Variants in ELL observed in about 807,000 individuals in gnomAD.
The protein encoded by ELL is elongation factor for RNA polymerase II, also known as RNA polymerase II elongation factor ELL.
A neutral mutation model predicts 64.0 loss-of-function variants in ELL; 18 were observed. The observed-to-expected ratio is 0.28, with a 90% CI of 0.19 to 0.42. The LOEUF (loss-of-function observed/expected upper bound fraction) is 0.42, where lower values mean the gene tolerates loss of function less well. ELL is among the 10% of genes least tolerant of loss of function. The pLI is 1.00. For missense variants in ELL, 797 were observed against 870.4 expected, an observed-to-expected ratio of 0.92 and a Z score of 1.06; for synonymous variants, 399 against 376.2, an observed-to-expected ratio of 1.06 and a Z score of -0.70.
intron 1 of ELL, among the ~76,000 whole-genome samples, chr19:18,497,389 A>T (rs1306858278): frequency 6.6e-6 from 1 of 152,222 alleles, no homozygotes; most frequent in Non-Finnish European, 1.5e-5. Context: ...ATGAGTAGGT[A>T]GAGCTTGGAG....
intron 1 of ELL, among the ~76,000 whole-genome samples, chr19:18,493,328 G>A (rs544067934): frequency 1.3e-5 from 2 of 152,338 alleles, no homozygotes; most frequent in African/African-American, 4.8e-5. Flanking sequence ...AGAAAAGATG[G>A]GCTCTGTGCT....
intron 1 of ELL, among the ~76,000 whole-genome samples, chr19:18,500,217 G>A (rs538101834): frequency 1.3e-4 from 20 of 150,494 alleles, no homozygotes; most frequent in East Asian, 9.8e-4. Flanking sequence ...AGCTGAGATC[G>A]TGCCATTGCA....
chr19:18,507,302 T>G (rs114598924), intron 1 of ELL, among the ~76,000 whole-genome samples: 1 of 152,198 alleles, frequency 6.6e-6, no homozygotes, highest in Non-Finnish European at 1.5e-5. Context: ...AAGGGAGAGA[T>G]AACATCCCCA....
chr19:18,467,765 A>G (rs1215391251), intron 2 of ELL, among the ~76,000 whole-genome samples: 9 of 90,292 alleles, frequency 1.0e-4, no homozygotes, highest in African/African-American at 1.6e-4. Context: ...CTCCACACAC[A>G]ATCTCCCCAC....
At chr19:18,463,479 C>G (rs527581908) in intron 4 of ELL, among the ~76,000 whole-genome samples, 1 of 151,756 alleles carries the variant, frequency 6.6e-6, no homozygotes, top group African/African-American at 2.4e-5. Flanking sequence ...GGACTCCAGG[C>G]GCACGCCACC....
chr19:18,458,257 A>G lies in ELL; in HGVS notation c.817T>C (p.Trp273Arg), dbSNP rs1974723962. 1 of 1,613,028 alleles carries G rather than the reference A, an allele frequency of 6.2e-7. No homozygotes were observed. Among genetic ancestry groups the G allele is most frequent in the Non-Finnish European group, 8.5e-7 (1 of 1,180,020 alleles). Residue 273 changes from tryptophan (W) to arginine (R), a missense_variant, in exon 6 of 12, where the codon TGG (tryptophan) becomes CGG (arginine). Trp to Arg is a moderately radical substitution (Grantham distance 101). Transcript: ENST00000262809. ...DCMYKDVQKD[W>R]PGYSEGDQQL... is the part of the protein sequence containing the mutation. Reference sequence around the variant, plus strand: ...TGGTCCCCCTCCGAGTAGCCAGGCCAGTCCTTCTGCACATCCTTGTACATG... The same window carrying G: ...TGGTCCCCCTCCGAGTAGCCAGGCCGGTCCTTCTGCACATCCTTGTACATG...
At chr19:18,505,885 G>A (rs866962004) in intron 1 of ELL, among the ~76,000 whole-genome samples, 1 of 152,182 alleles carries the variant, frequency 6.6e-6, no homozygotes, top group African/African-American at 2.4e-5. Flanking sequence ...ACAGCAGAGG[G>A]AGAAACTGAG....
rs910875129 is a variant in ELL at position 18,444,601 on chromosome 19, G to A, written c.*151C>T. 1.4e-5 allele frequency: 11 copies of A among 799,456 alleles called. No homozygotes were observed. The highest frequency in any genetic ancestry group is 9.2e-5 in the South Asian group (5 of 54,204). The allele number at this position is 799,456 out of a possible 1,614,324, so 49.5% of individuals were successfully genotyped here. A position where few individuals can be genotyped will look rare whatever the true frequency, so the allele number is the denominator to read the frequency against. Reference sequence around the variant, plus strand: ...GGCCGAGGTGGGCTTGCAGCCACCCGCCAGGGCCAGACGTCTGCAGGGGCT... The same window carrying A: ...GGCCGAGGTGGGCTTGCAGCCACCCACCAGGGCCAGACGTCTGCAGGGGCT... On this transcript the variant is annotated 3_prime_UTR_variant, in exon 12 of 12. Coordinates refer to ENST00000262809, the MANE Select transcript of ELL (RefSeq NM_006532.4).
intron 4 of ELL, among the ~76,000 whole-genome samples, chr19:18,464,629 T>C (rs990917429): frequency 1.4e-4 from 21 of 152,040 alleles, no homozygotes; most frequent in Non-Finnish European, 1.5e-5. Context: ...AGAGAGGAAT[T>C]GAAATGCCCC....
chr19:18,498,331 G>C lies in ELL; in HGVS notation c.135+23590C>G, dbSNP rs1205154437. Among the ~76,000 whole-genome samples, 3 of 152,280 alleles carry C rather than the reference G, an allele frequency of 2.0e-5. No homozygotes were observed. The South Asian group carries it at 6.2e-4, about 32-fold the overall frequency. On this transcript the variant is annotated intron_variant, in intron 1 of 11. Transcript: ENST00000262809. ...TAAAACTATTTCTGACCTAAAATTA[G>C]ATTTCGAGAAGGGCTTCATAGTAGC...
chr19:18,508,813 T>C (rs1975939152), intron 1 of ELL, among the ~76,000 whole-genome samples: 1 of 152,232 alleles, frequency 6.6e-6, no homozygotes, highest in South Asian at 2.1e-4. Context: ...TATAAAACTT[T>C]ATTTACAAAG....
intron 2 of ELL, 101 bp downstream of exon 2, chr19:18,472,734 A>AAC: frequency 7.0e-7 from 1 of 1,436,594 alleles, no homozygotes; most frequent in African/African-American, 1.4e-5. Context: ...ACAGGGCCCA[A>AAC]ACACTGCCAT....
intron 1 of ELL, among the ~76,000 whole-genome samples, chr19:18,485,847 G>T (rs184787797): frequency 1.5e-3 from 226 of 152,202 alleles, no homozygotes; most frequent in African/African-American, 5.2e-3. Context: ...TTAGCCGGGC[G>T]TGGTAGCACA....
At position 18,501,404 on chromosome 19, in the gene ELL, G is replaced by A. The variant is rs568873538; in HGVS notation, c.135+20517C>T. 1.5e-3 allele frequency among the ~76,000 whole-genome samples: 225 copies of A among 152,346 alleles called. No individual in the cohort carries two copies. Among genetic ancestry groups the A allele is most frequent in the African/African-American group, 5.2e-3 (217 of 41,572 alleles). On this transcript the variant is annotated intron_variant, in intron 1 of 11. Coordinates refer to ENST00000262809, the MANE Select transcript of ELL (RefSeq NM_006532.4). This position sits in a 1 kb window ranked among gnomAD's most constrained non-coding sequence, Gnocchi z 4.5. ...GAACGTGGGAAAGGGCCTGGGATGG[G>A]CCCACTGTTGGCGAGGAGGGGCCCA...
At chr19:18,504,624 G>A (rs1975845701) in intron 1 of ELL, among the ~76,000 whole-genome samples, 1 of 152,094 alleles carries the variant, frequency 6.6e-6, no homozygotes, top group South Asian at 2.1e-4. Flanking sequence ...CCGCCCACAG[G>A]GTGGATCAAC....
In ELL at chr19:18,442,900, A is replaced by G. The variant is rs1395983562; in HGVS notation, c.*1852T>C. 8.7e-6 allele frequency: 2 copies of G among 229,064 alleles called. No individual in the cohort carries two copies. The highest frequency in any genetic ancestry group is 1.7e-5 in the Non-Finnish European group (2 of 115,226). The allele number at this position is 229,064 out of a possible 1,614,324, so 14.2% of individuals were successfully genotyped here. ...GAAAAAAAAATAGTATCAATAAGTTAGACCATATTTAATCAGCTAGAACTT... is the reference window on the plus strand; with the variant it reads ...GAAAAAAAAATAGTATCAATAAGTTGGACCATATTTAATCAGCTAGAACTT... On this transcript the variant is annotated 3_prime_UTR_variant, in exon 12 of 12. Transcript: ENST00000262809.
intron 1 of ELL, among the ~76,000 whole-genome samples, chr19:18,508,174 T>G (rs983602365): frequency 3.9e-5 from 6 of 152,074 alleles, no homozygotes; most frequent in Admixed American, 1.3e-4. Flanking sequence ...CACAGCTGAG[T>G]GTGGTGGCTC....
At chr19:18,458,132 C>A in intron 6 of ELL, 73 bp downstream of exon 6, 1 of 1,580,348 alleles carries the variant, frequency 6.3e-7, no homozygotes, top group South Asian at 1.2e-5. Context: ...AAGACCACCC[C>A]AGCATCCTCT....
At chr19:18,481,771 A>G (rs1975304584) in intron 1 of ELL, among the ~76,000 whole-genome samples, 1 of 152,186 alleles carries the variant, frequency 6.6e-6, no homozygotes, top group African/African-American at 2.4e-5. Flanking sequence ...TGAAGGACAC[A>G]GGTTGTTTCC....
Sources: allele counts gnomAD v4.1 joint callset (sites outside exome capture counted in the v4.1 genomes callset), GRCh38; gene constraint gnomAD v4.1.1; non-coding constraint Gnocchi (gnomAD v3.1); transcripts MANE v1.5; gene names NCBI Gene and HGNC (gene_info 2026-07-23, HGNC 2026-07-21).